The following AKR1C8 variants were observed in gnomAD, a reference collection of about 807,000 sequenced individuals.
The protein encoded by AKR1C8 is aldo-keto reductase family 1 member C8.
chr10:5,183,531 C>G, the AKR1C8 span, among the ~76,000 whole-genome samples: 1 of 152,134 alleles, frequency 6.6e-6, no homozygotes, highest in Non-Finnish European at 1.5e-5. Flanking sequence ...AATAACACCA[C>G]ACATAAACAT....
chr10:5,168,723 C>A, the AKR1C8 span, among the ~76,000 whole-genome samples: 12 of 151,988 alleles, frequency 7.9e-5, no homozygotes, highest in African/African-American at 2.9e-4. Context: ...AAAAAGAAAA[C>A]CAGTAAAAAG....
chr10:5,149,089 GTGAT>G, the AKR1C8 span, among the ~76,000 whole-genome samples: 1 of 152,080 alleles, frequency 6.6e-6, no homozygotes, highest in Non-Finnish European at 1.5e-5. Flanking sequence ...TAAATGTTTG[GTGAT>G]TCCAAGTAAG....
the AKR1C8 span, among the ~76,000 whole-genome samples, chr10:5,166,347 A>T: frequency 6.6e-6 from 1 of 152,208 alleles, no homozygotes; most frequent in African/African-American, 2.4e-5. Flanking sequence ...CTAAGCCAAA[A>T]AAACAAAGCT....
the AKR1C8 span, chr10:5,123,657 T>C: frequency 6.6e-7 from 1 of 1,504,830 alleles, no homozygotes; most frequent in African/African-American, 1.4e-5. Flanking sequence ...ACCATATAAT[T>C]AAAATACTTC....
At chr10:5,181,637 T>G in the AKR1C8 span, among the ~76,000 whole-genome samples, 1 of 152,192 alleles carries the variant, frequency 6.6e-6, no homozygotes, top group African/African-American at 2.4e-5. Context: ...TCAAGTTATA[T>G]TTCAGTAAAT....
chr10:5,180,044 G>A, the AKR1C8 span, among the ~76,000 whole-genome samples: 31 of 152,310 alleles, frequency 2.0e-4, 1 homozygote, highest in Non-Finnish European at 4.6e-4. Flanking sequence ...GAGGAGGAGA[G>A]GCACTCTGCT....
the AKR1C8 span, among the ~76,000 whole-genome samples, chr10:5,178,260 G>T: frequency 6.6e-6 from 1 of 152,134 alleles, no homozygotes; most frequent in African/African-American, 2.4e-5. Flanking sequence ...TCAGGAGCAG[G>T]TTGTTCAGTT....
the AKR1C8 span, among the ~76,000 whole-genome samples, chr10:5,166,720 AGG>A: frequency 6.6e-6 from 1 of 152,200 alleles, no homozygotes; most frequent in Non-Finnish European, 1.5e-5. Context: ...TTCAGGACAT[AGG>A]CATGGGCAAG....
chr10:5,129,099 A>T, the AKR1C8 span, among the ~76,000 whole-genome samples: 1 of 152,132 alleles, frequency 6.6e-6, no homozygotes, highest in Non-Finnish European at 1.5e-5. Context: ...ACACAGTGGA[A>T]TAAAACTAGA....
chr10:5,160,036 T>C, the AKR1C8 span: 1 of 388,320 alleles, frequency 2.6e-6, no homozygotes, highest in South Asian at 1.9e-5. Flanking sequence ...TGATAGACCT[T>C]TAGTGTAAAT....
At chr10:5,179,411 A>AT in the AKR1C8 span, among the ~76,000 whole-genome samples, 12 of 151,840 alleles carry the variant, frequency 7.9e-5, no homozygotes, top group Admixed American at 5.9e-4. Context: ...TGCCCTTAAC[A>AT]TTTTTTCCTT....
chr10:5,165,993 A>G, the AKR1C8 span, among the ~76,000 whole-genome samples: 1 of 152,154 alleles, frequency 6.6e-6, no homozygotes, highest in Non-Finnish European at 1.5e-5. Context: ...ACTGGGACCC[A>G]GAGGATGAGA....
the AKR1C8 span, chr10:5,162,934 A>G: frequency 1.9e-6 from 1 of 534,454 alleles, no homozygotes; most frequent in East Asian, 5.4e-5. Flanking sequence ...CCTCCTCCTC[A>G]TTTTGGTATA....
chr10:5,159,698 C>T, the AKR1C8 span, among the ~76,000 whole-genome samples: 1 of 152,134 alleles, frequency 6.6e-6, no homozygotes, highest in Admixed American at 6.5e-5. Flanking sequence ...AAACTTTCAC[C>T]CCTTCTGAAG....
the AKR1C8 span, among the ~76,000 whole-genome samples, chr10:5,146,490 T>A: frequency 2.6e-5 from 4 of 152,126 alleles, no homozygotes; most frequent in Non-Finnish European, 5.9e-5. Context: ...CTTCTAGATA[T>A]CCCGAGAGAG....
chr10:5,125,446 C>G, the AKR1C8 span, among the ~76,000 whole-genome samples: 1 of 152,096 alleles, frequency 6.6e-6, no homozygotes, highest in East Asian at 1.9e-4. Context: ...CTGCCTGTCA[C>G]CTGAGAAACC....
chr10:5,145,991 A>C, the AKR1C8 span, among the ~76,000 whole-genome samples: 1 of 152,072 alleles, frequency 6.6e-6, no homozygotes, highest in African/African-American at 2.4e-5. Flanking sequence ...AATGTGGCAC[A>C]TATACACCAT....
chr10:5,174,079 C>G, the AKR1C8 span, among the ~76,000 whole-genome samples: 1 of 151,946 alleles, frequency 6.6e-6, no homozygotes, highest in East Asian at 1.9e-4. Flanking sequence ...AGATAAATCC[C>G]TCTCAAAATC....
the AKR1C8 span, among the ~76,000 whole-genome samples, chr10:5,131,447 T>A: frequency 6.6e-6 from 1 of 152,110 alleles, no homozygotes; most frequent in East Asian, 1.9e-4. Flanking sequence ...AAAGGACTAT[T>A]GTCCAGAATC....
Sources: gnomAD v4.1 joint callset for allele counts (sites outside exome capture counted in the v4.1 genomes callset) on GRCh38, gnomAD v4.1.1 for gene constraint, MANE v1.5 for transcripts, NCBI Gene and HGNC (gene_info 2026-07-23, HGNC 2026-07-21) for gene names.